The following TENM3 variants were observed in gnomAD, a reference collection of about 807,000 sequenced individuals.
The protein encoded by TENM3 is teneurin transmembrane protein 3.
TENM3 carries 63 observed loss-of-function variants against 255.1 expected under a neutral mutation model. The observed-to-expected ratio is 0.25, with a 90% CI of 0.20 to 0.30. The LOEUF is 0.30. Ranked by LOEUF, TENM3 falls within the 10% of genes least tolerant of loss-of-function variation. TENM3 has a pLI of 1.00. For missense variants in TENM3, 2,929 were observed against 3,461.1 expected (o/e 0.85, Z 3.86); for synonymous variants, 1,306 against 1,322.3 (o/e 0.99, Z 0.27).
chr4:182,044,129 T>C, the TENM3 span, among the ~76,000 whole-genome samples: 1 of 152,142 alleles, frequency 6.6e-6, no homozygotes, highest in African/African-American at 2.4e-5. Flanking sequence ...AATACACATA[T>C]AAGGATATAT....
chr4:182,191,385 A>C (rs1383779020), intron 1 of TENM3, among the ~76,000 whole-genome samples: 1 of 151,958 alleles, frequency 6.6e-6, no homozygotes, highest in African/African-American at 2.4e-5. Context: ...CTCTGCTTAG[A>C]ATGTCCTTTT....
At position 182,738,529 on chromosome 4, in the gene TENM3, C is replaced by T. The variant is rs753735586; in HGVS notation, c.3364C>T (p.Leu1122=). ...GGWTLDKHHV[L]DVQNGILYKG... Reference sequence around the variant, plus strand: ...CTGGACATTAGATAAACATCACGTGCTGGATGTACAGAACGGTAAGCTCTT... The same window carrying T: ...CTGGACATTAGATAAACATCACGTGTTGGATGTACAGAACGGTAAGCTCTT... The change falls in exon 18 of 28, where the codon CTG becomes TTG. Residue 1122 remains leucine (L), a synonymous_variant. Coordinates refer to ENST00000511685, the MANE Select transcript of TENM3 (RefSeq NM_001080477.4). 38 of 1,612,080 alleles carry T rather than the reference C, an allele frequency of 2.4e-5. 1 individual carries two copies. The highest frequency in any genetic ancestry group is 2.8e-5 in the Non-Finnish European group (33 of 1,179,060).
chr4:182,286,490 C>T (rs1311555188), intron 1 of TENM3, among the ~76,000 whole-genome samples: 1 of 152,176 alleles, frequency 6.6e-6, no homozygotes, highest in Non-Finnish European at 1.5e-5. Flanking sequence ...ACTGCATCTC[C>T]ACAACGCTGA....
intron 1 of TENM3, among the ~76,000 whole-genome samples, chr4:182,254,266 T>C (rs1385432071): frequency 6.6e-6 from 1 of 152,016 alleles, no homozygotes; most frequent in Non-Finnish European, 1.5e-5. Context: ...TAAGGACCCA[T>C]GAGCCGTTCC....
chr4:181,946,170 A>G, the TENM3 span, among the ~76,000 whole-genome samples: 2 of 152,140 alleles, frequency 1.3e-5, no homozygotes, highest in Non-Finnish European at 2.9e-5. Context: ...ACACATGAAT[A>G]TATCTCTAGA....
At chr4:181,467,587 C>A in the TENM3 span, among the ~76,000 whole-genome samples, 1 of 151,724 alleles carries the variant, frequency 6.6e-6, no homozygotes, top group Non-Finnish European at 1.5e-5. Context: ...AAAAAATATT[C>A]AAGTTGCAAA....
At chr4:182,598,876 T>G (rs10016481) in intron 3 of TENM3, among the ~76,000 whole-genome samples, 8,973 of 152,244 alleles carry the variant, frequency 0.059, 649 homozygotes, top group African/African-American at 0.17. Context: ...GGACTTAAAT[T>G]TGTTACTATG....
At chr4:182,293,668 C>T (rs934002379) in intron 1 of TENM3, among the ~76,000 whole-genome samples, 2 of 152,116 alleles carry the variant, frequency 1.3e-5, no homozygotes, top group African/African-American at 2.4e-5. Context: ...GCATAGACAA[C>T]GTTTGCCTTT....
the TENM3 span, among the ~76,000 whole-genome samples, chr4:182,104,987 G>A: frequency 6.6e-6 from 1 of 152,158 alleles, no homozygotes; most frequent in African/African-American, 2.4e-5. Context: ...GGAGACAGGA[G>A]AATCACTTGA....
chr4:181,664,999 C>T, the TENM3 span, among the ~76,000 whole-genome samples: 1 of 152,164 alleles, frequency 6.6e-6, no homozygotes, highest in Non-Finnish European at 1.5e-5. Flanking sequence ...GGATTAACTC[C>T]TTTCATACCC....
rs529543458 is a variant in TENM3, at chr4:182,487,090, C to G, written c.512-113834C>G. On this transcript the variant is annotated intron_variant, in intron 3 of 27. Coordinates refer to ENST00000511685, the MANE Select transcript of TENM3 (RefSeq NM_001080477.4). ...AAAGGAGCTCCACAGCGGACATTTCCTTTAACCCGCTAATTCTTGCACGTG... is the reference window on the plus strand; with the variant it reads ...AAAGGAGCTCCACAGCGGACATTTCGTTTAACCCGCTAATTCTTGCACGTG... Among the ~76,000 whole-genome samples the G allele has an allele frequency of 4.6e-5, 7 of 152,260 alleles. No individual in the cohort carries two copies. The East Asian group carries it at 1.4e-3, about 29-fold the overall frequency.
the TENM3 span, among the ~76,000 whole-genome samples, chr4:182,015,550 TTTTA>T: frequency 1.9e-3 from 291 of 150,098 alleles, 1 homozygote; most frequent in Non-Finnish European, 3.2e-3. Flanking sequence ...TGATTTTAAT[TTTTA>T]TTTATTTATT....
At chr4:181,729,864 C>G in the TENM3 span, among the ~76,000 whole-genome samples, 1 of 152,226 alleles carries the variant, frequency 6.6e-6, no homozygotes, top group South Asian at 2.1e-4. Flanking sequence ...TCCATTAGAC[C>G]GAATTTAAAT....
chr4:182,223,783 C>A (rs201974021), intron 1 of TENM3, among the ~76,000 whole-genome samples: 632 of 112,762 alleles, frequency 5.6e-3, no homozygotes, highest in East Asian at 0.016. Flanking sequence ...GATAGATTGG[C>A]AAAAAAAAAA....
the TENM3 span, among the ~76,000 whole-genome samples, chr4:181,943,894 A>G: frequency 2.6e-5 from 4 of 152,154 alleles, no homozygotes; most frequent in Non-Finnish European, 5.9e-5. Context: ...AACTCAAATT[A>G]TAGCTCTTTC....
chr4:182,368,397 G>C (rs578151725), intron 3 of TENM3, among the ~76,000 whole-genome samples: 2 of 152,210 alleles, frequency 1.3e-5, no homozygotes, highest in Non-Finnish European at 1.5e-5. Context: ...GTCCTGACCA[G>C]TGGGCCCTTT....
At chr4:181,883,126 CT>C in the TENM3 span, among the ~76,000 whole-genome samples, 144 of 106,630 alleles carry the variant, frequency 1.4e-3, 7 homozygotes, top group Admixed American at 1.8e-3. Context: ...TGCAATTAAT[CT>C]TTTTTTTTTT....
chr4:182,449,324 C>T (rs941161121), intron 3 of TENM3, among the ~76,000 whole-genome samples: 3 of 150,624 alleles, frequency 2.0e-5, no homozygotes, highest in Non-Finnish European at 4.4e-5. Context: ...GATGAGGTGG[C>T]TTTTTAACCC....
intron 1 of TENM3, among the ~76,000 whole-genome samples, chr4:182,206,980 T>G (rs1202538372): frequency 6.6e-6 from 1 of 152,178 alleles, no homozygotes; most frequent in African/African-American, 2.4e-5. Context: ...CATGAGATGC[T>G]CGGAAATTTG....
Sources: allele counts gnomAD v4.1 joint callset (sites outside exome capture counted in the v4.1 genomes callset), GRCh38; gene constraint gnomAD v4.1.1; transcripts MANE v1.5; gene names NCBI Gene and HGNC (gene_info 2026-07-23, HGNC 2026-07-21).